Variants in CYP26A1 observed in about 807,000 individuals in gnomAD.
CYP26A1 encodes cytochrome P450 family 26 subfamily A member 1.
A neutral mutation model predicts 47.4 loss-of-function variants in CYP26A1; 46 were observed. That is an observed-to-expected ratio of 0.97 (90% CI 0.77 to 1.24). The LOEUF is 1.24. Among genes scored for constraint, CYP26A1 ranks in the 50% most tolerant of loss-of-function variants. The probability of loss-of-function intolerance (pLI) is 0.00; values close to 1 mark genes in which losing one functional copy is unlikely to be tolerated. For synonymous variants in CYP26A1, 277 were observed against 263.7 expected (o/e 1.05, Z -0.49); for missense variants, 680 against 644.4 (o/e 1.06, Z -0.60).
Position 93,077,264 on chromosome 10 carries a change from A to G in CYP26A1, c.1454A>G (p.Asn485Ser), listed in dbSNP as rs1337895889. 6.4e-7 allele frequency: 1 copy of G among 1,562,062 alleles called. No homozygotes were observed. Among genetic ancestry groups the G allele is most frequent in the South Asian group, 1.2e-5 (1 of 83,396 alleles). Residue 485 changes from asparagine to serine, a missense_variant, in exon 7 of 7, where the codon AAT becomes AGT. Coordinates refer to ENST00000224356, the MANE Select transcript of CYP26A1 (RefSeq NM_000783.4). ...KTSPTVYPVD[N>S]LPARFTHFHG... ...AGTCCCACCGTGTATCCTGTGGACA[A>G]TCTCCCTGCAAGATTCACCCATTTC...
upstream of CYP26A1, chr10:93,073,681 G>A (rs1168840462): frequency 1.9e-6 from 1 of 523,936 alleles, no homozygotes; most frequent in African/African-American, 2.1e-5. Context: ...CGCACCCCAG[G>A]AGGCGCGCTC....
Position 93,075,177 on chromosome 10 carries a change from C to G in CYP26A1, c.734C>G (p.Ala245Gly). The G allele has an allele frequency of 6.2e-7, 1 of 1,613,712 alleles. No homozygotes were observed. The highest frequency in any genetic ancestry group is 8.5e-7 in the Non-Finnish European group (1 of 1,179,944). The change falls in exon 4 of 7, where the codon GCG becomes GGG. Residue 245 changes from alanine (A) to glycine (G), a missense_variant. By Grantham distance (60) the Ala-to-Gly change is moderately conservative. Transcript: ENST00000224356. ...RGMKARNLIH[A>G]RIEQNIRAKI... ...ATGAAGGCGCGGAACCTCATTCACG[C>G]GCGCATCGAGCAGAACATTCGCGCC...
Position 93,074,838 on chromosome 10 carries a change from G to C in CYP26A1, c.474G>C (p.Glu158Asp), listed in dbSNP as rs143605675. ...ALECYVPVITEEVGSSLEQWL... is the reference protein window; with the variant it reads ...ALECYVPVITDEVGSSLEQWL... ...AATGCTACGTGCCGGTGATCACCGA[G>C]GAAGTGGGCAGCAGCCTGGAGCAGT... The change falls in exon 3 of 7, where the codon GAG (glutamate) becomes GAC (aspartate). Residue 158 changes from glutamate to aspartate, a missense_variant. Transcript: ENST00000224356. The surrounding 1 kb of genome is among the most constrained non-coding windows in gnomAD (Gnocchi z 5.3). 2 of 1,611,786 alleles carry C rather than the reference G, an allele frequency of 1.2e-6. No individual in the cohort carries two copies. Among genetic ancestry groups the C allele is most frequent in the Non-Finnish European group, 1.7e-6 (2 of 1,179,948 alleles).
rs74151825 is a variant in CYP26A1, at chr10:93,074,683, A to C, written c.415-96A>C. ...TAGCTTTCCCAGCTCGGAGAGTGCC[A>C]TGTGTCTGGCAGGACTGGGGGTGTC... On this transcript the variant is annotated intron_variant, in intron 2 of 6. Transcript: ENST00000224356. This position sits in a 1 kb window ranked among gnomAD's most constrained non-coding sequence, Gnocchi z 5.3. The C allele has an allele frequency of 2.5e-6, 3 of 1,180,852 alleles. No individual in the cohort carries two copies. The East Asian group carries it at 7.1e-5, about 28-fold the overall frequency. 73.1% of individuals were successfully genotyped at this position (1,180,852 alleles called of 1,614,324 possible).
chr10:93,075,093 G>T (rs774168926), intron 3 of CYP26A1, 24 bp downstream of exon 3: 1 of 1,611,100 alleles, frequency 6.2e-7, no homozygotes, highest in African/African-American at 1.3e-5. Context: ...ACGGGCTGCG[G>T]ACTAGGGGCG....
chr10:93,075,606 C>A, intron 4 of CYP26A1: 1 of 587,524 alleles, frequency 1.7e-6, no homozygotes, highest in Non-Finnish European at 3.0e-6. Flanking sequence ...GACTTTAACT[C>A]AGGAGTTTCC....
rs1310333690 is a variant in CYP26A1 at position 93,075,948 on chromosome 10, GC to G, written c.988del (p.Leu330Ter). The G allele has an allele frequency of 6.2e-7, 1 of 1,613,324 alleles. No individual in the cohort carries two copies. The highest frequency in any genetic ancestry group is 1.7e-5 in the Admixed American group (1 of 60,014). ...ATGTTCTCCAGAAAGTGCGAGAAGAGCTGAAGAGTAAGGTAGGGAGACTGGG... is the reference window on the plus strand; with the variant it reads ...ATGTTCTCCAGAAAGTGCGAGAAGAGTGAAGAGTAAGGTAGGGAGACTGGG... The part of the protein sequence containing the change: ...PHVLQKVREE[L>X]KSKGLLCKSN... On this transcript the variant is annotated frameshift_variant, in exon 5 of 7. Coordinates refer to ENST00000224356, the MANE Select transcript of CYP26A1 (RefSeq NM_000783.4). LOFTEE classifies it high-confidence loss of function.
At chr10:93,075,092 G>A (rs766148130) in intron 3 of CYP26A1, 23 bp downstream of exon 3, 2 of 1,610,660 alleles carry the variant, frequency 1.2e-6, no homozygotes, top group Non-Finnish European at 1.7e-6. Flanking sequence ...AACGGGCTGC[G>A]GACTAGGGGC....
At position 93,075,255 on chromosome 10, in the gene CYP26A1, T is replaced by G. The variant is rs767811066; in HGVS notation, c.812T>G (p.Leu271Arg). 1.2e-5 allele frequency: 19 copies of G among 1,614,098 alleles called. No homozygotes were observed. Among genetic ancestry groups the G allele is most frequent in the Non-Finnish European group, 1.5e-5 (18 of 1,180,008 alleles). The change falls in exon 4 of 7, where the codon CTG becomes CGG. Residue 271 changes from leucine to arginine, a missense_variant. Coordinates refer to ENST00000224356, the MANE Select transcript of CYP26A1 (RefSeq NM_000783.4). The stretch of plus-strand genomic sequence containing the variant: ...GCGGGCCAGGGCTGCAAAGACGCGC[T>G]GCAGCTGTTGATCGAGCACTCGTGG... ...SEAGQGCKDA[L>R]QLLIEHSWER...
chr10:93,076,998 C>T lies in CYP26A1; in HGVS notation c.1188C>T (p.Tyr396=). 1 of 1,609,658 alleles carries T rather than the reference C, an allele frequency of 6.2e-7. No homozygotes were observed. The highest frequency in any genetic ancestry group is 8.5e-7 in the Non-Finnish European group (1 of 1,176,406). The part of the protein sequence containing the change: ...YQIPKGWNVI[Y]SICDTHDVAE... ...TTCCCAAGGGCTGGAATGTTATCTA[C>T]AGTATCTGTGATACTCATGATGTGG... The change falls in exon 7 of 7, where the codon TAC becomes TAT. Residue 396 remains tyrosine, a synonymous_variant. Coordinates refer to ENST00000224356, the MANE Select transcript of CYP26A1 (RefSeq NM_000783.4).
In CYP26A1 at chr10:93,075,233, G is replaced by A. The variant is rs144846699; in HGVS notation, c.790G>A (p.Gly264Ser). 2 of 1,614,036 alleles carry A rather than the reference G, an allele frequency of 1.2e-6. No homozygotes were observed. The highest frequency in any genetic ancestry group is 1.7e-6 in the Non-Finnish European group (2 of 1,179,982). Residue 264 changes from glycine (G) to serine (S), a missense_variant, in exon 4 of 7, where the codon GGC becomes AGC. Coordinates refer to ENST00000224356, the MANE Select transcript of CYP26A1 (RefSeq NM_000783.4). ...KICGLRASEA[G>S]QGCKDALQLL... is the part of the protein sequence containing the mutation. ...CTGCGGGCTGCGGGCATCCGAGGCG[G>A]GCCAGGGCTGCAAAGACGCGCTGCA...
chr10:93,073,587 G>C, upstream of CYP26A1: 1 of 300,564 alleles, frequency 3.3e-6, no homozygotes, highest in South Asian at 6.9e-5. Flanking sequence ...TTGGAATTCC[G>C]GCTCCTCGGA....
In CYP26A1 at chr10:93,074,593, G is replaced by A. The variant is rs1351518733; in HGVS notation, c.414+61G>A. ...GACCCCATTTATGAGCGGAATTCCG[G>A]CTGATGGATGCTAGGCGCGGGCTAG... On this transcript the variant is annotated intron_variant, in intron 2 of 6. Transcript: ENST00000224356. The surrounding 1 kb of genome is among the most constrained non-coding windows in gnomAD (Gnocchi z 5.3). The A allele has an allele frequency of 1.7e-6, 2 of 1,188,892 alleles. No homozygotes were observed. Among genetic ancestry groups the A allele is most frequent in the African/African-American group, 1.5e-5 (1 of 66,852 alleles). The allele number at this position is 1,188,892 out of a possible 1,614,324, so 73.6% of individuals were successfully genotyped here. A position where few individuals can be genotyped will look rare whatever the true frequency, so the allele number is the denominator to read the frequency against.
chr10:93,073,963 C>G lies in CYP26A1; in HGVS notation c.29C>G (p.Ala10Gly). The G allele has an allele frequency of 2.4e-6, 3 of 1,250,730 alleles. No individual in the cohort carries two copies. The highest frequency in any genetic ancestry group is 3.5e-6 in the Non-Finnish European group (3 of 854,042). 77.5% of individuals were successfully genotyped at this position (1,250,730 alleles called of 1,614,324 possible). Residue 10 changes from alanine (A) to glycine (G), a missense_variant, in exon 1 of 7, where the codon GCG becomes GGG. Transcript: ENST00000224356. ...GGGCTCCCGGCGCTGCTGGCCAGTG[C>G]GCTCTGCACCTTCGTGCTGCCGCTG... The part of the protein sequence containing the change: MGLPALLAS[A>G]LCTFVLPLLL...
Position 93,074,535 on chromosome 10 carries a change from G to A in CYP26A1, c.414+3G>A. The stretch of plus-strand genomic sequence containing the variant: ...CCTCGCACAAGCAGCGCAAGAAGGT[G>A]GGGGCAGGAGGCGACGGCTGGACAG... On this transcript the variant is annotated splice_donor_region_variant and intron_variant, in intron 2 of 6. Transcript: ENST00000224356. The surrounding 1 kb of genome is among the most constrained non-coding windows in gnomAD (Gnocchi z 5.3). The A allele has an allele frequency of 6.4e-7, 1 of 1,560,076 alleles. No homozygotes were observed. Among genetic ancestry groups the A allele is most frequent in the African/African-American group, 1.4e-5 (1 of 73,990 alleles).
At chr10:93,075,612 T>G (rs1846967658) in intron 4 of CYP26A1, 4 of 586,358 alleles carry the variant, frequency 6.8e-6, no homozygotes, top group Admixed American at 3.0e-5. Flanking sequence ...AACTCAGGAG[T>G]TTCCGGTAGA....
At chr10:93,075,738 C>T (rs1166757986) in intron 4 of CYP26A1, 88 bp from the exon 5 acceptor site, 1 of 993,138 alleles carries the variant, frequency 1.0e-6, no homozygotes, top group Non-Finnish European at 1.6e-6. Flanking sequence ...TCTAGTCTTC[C>T]CTCCAGAACT....
At chr10:93,075,778 C>T in intron 4 of CYP26A1, 48 bp from the exon 5 acceptor site, 8 of 1,527,092 alleles carry the variant, frequency 5.2e-6, no homozygotes, top group Non-Finnish European at 7.3e-6. Flanking sequence ...ATCCTTCTGT[C>T]AAACCGCAGG....
At position 93,077,375 on chromosome 10, in the gene CYP26A1, C is replaced by A; in HGVS notation, c.*71C>A. 1 of 692,862 alleles carries A rather than the reference C, an allele frequency of 1.4e-6. No individual in the cohort carries two copies. The highest frequency in any genetic ancestry group is 2.2e-6 in the Non-Finnish European group (1 of 459,608). 42.9% of individuals were successfully genotyped at this position (692,862 alleles called of 1,614,324 possible). On this transcript the variant is annotated 3_prime_UTR_variant, in exon 7 of 7. Transcript: ENST00000224356. ...GAGTTTTTAAGGAGTGTTGTGTTGACTTTATATTTAATTTCTAAATGTATA... is the reference window on the plus strand; with the variant it reads ...GAGTTTTTAAGGAGTGTTGTGTTGAATTTATATTTAATTTCTAAATGTATA...
Sources: gnomAD v4.1 joint callset for allele counts on GRCh38, gnomAD v4.1.1 for gene constraint, Gnocchi (gnomAD v3.1) non-coding constraint, MANE v1.5 for transcripts, NCBI Gene and HGNC (gene_info 2026-07-23, HGNC 2026-07-21) for gene names.